The following NPEPPS variants were observed in gnomAD, a reference collection of about 807,000 sequenced individuals.
NPEPPS encodes puromycin-sensitive aminopeptidase.
A neutral mutation model predicts 115.5 loss-of-function variants in NPEPPS; 14 were observed. The ratio of observed to expected loss-of-function variants is 0.12; its 90% CI spans 0.08 to 0.19. NPEPPS has a LOEUF of 0.19. Among genes scored for constraint, NPEPPS ranks in the 10% least tolerant of loss-of-function variants. The probability of loss-of-function intolerance (pLI) is 1.00; values close to 1 mark genes in which losing one functional copy is unlikely to be tolerated. For synonymous variants in NPEPPS, 285 were observed against 390.6 expected (o/e 0.73, Z 3.19); for missense variants, 523 against 1,110.8 (o/e 0.47, Z 7.52).
chr17:47,539,475 T>A (rs922037453), intron 1 of NPEPPS, among the ~76,000 whole-genome samples: 2 of 152,180 alleles, frequency 1.3e-5, no homozygotes, highest in Non-Finnish European at 2.9e-5. Context: ...ACTATGAGAT[T>A]AAACAGATGT....
intron 8 of NPEPPS, chr17:47,586,968 A>G (rs923929488): frequency 7.4e-6 from 3 of 402,982 alleles, no homozygotes; most frequent in African/African-American, 4.1e-5. Flanking sequence ...CCCTTAGACA[A>G]TGTTTTCCCA....
chr17:47,559,926 G>A (rs1253731617), intron 2 of NPEPPS, among the ~76,000 whole-genome samples: 1 of 152,192 alleles, frequency 6.6e-6, no homozygotes, highest in Middle Eastern at 3.4e-3. Context: ...AGTGTTGATG[G>A]TCCCTGGATT....
chr17:47,593,449 C>T (rs747593201), intron 12 of NPEPPS, among the ~76,000 whole-genome samples: 1 of 152,136 alleles, frequency 6.6e-6, no homozygotes, highest in Non-Finnish European at 1.5e-5. Flanking sequence ...GTCCCAGCTA[C>T]TCAGGAGGCT....
intron 2 of NPEPPS, among the ~76,000 whole-genome samples, chr17:47,564,201 T>A (rs1910643882): frequency 6.6e-6 from 1 of 152,140 alleles, no homozygotes; most frequent in Admixed American, 6.5e-5. Flanking sequence ...GGATTACAGG[T>A]GTGAGACACT....
intron 19 of NPEPPS, among the ~76,000 whole-genome samples, chr17:47,617,994 C>T (rs1030784692): frequency 1.3e-5 from 2 of 152,210 alleles, no homozygotes; most frequent in Admixed American, 1.3e-4. Context: ...CCGCCTCGGC[C>T]TCCCAAGTAG....
chr17:47,608,527 A>G (rs2143941922), intron 17 of NPEPPS, among the ~76,000 whole-genome samples: 1 of 151,912 alleles, frequency 6.6e-6, no homozygotes, highest in South Asian at 2.1e-4. Flanking sequence ...TAATCCAGCT[A>G]CTCAGGAGGC....
chr17:47,526,184 C>T (rs573405676), upstream of NPEPPS, among the ~76,000 whole-genome samples: 3 of 152,198 alleles, frequency 2.0e-5, no homozygotes, highest in African/African-American at 7.2e-5. Context: ...TGCACTCCAG[C>T]CTGGGCAACA....
intron 12 of NPEPPS, 59 bp from the exon 13 acceptor site, chr17:47,596,294 T>G (rs1363864558): frequency 8.8e-7 from 1 of 1,132,234 alleles, no homozygotes; most frequent in Non-Finnish European, 1.2e-6. Context: ...ATAAAATTTC[T>G]TTTTTGTTTA....
Position 47,619,082 on chromosome 17 carries a change from C to T in NPEPPS, c.2477C>T (p.Ala826Val). 1 of 1,613,834 alleles carries T rather than the reference C, an allele frequency of 6.2e-7. No homozygotes were observed. Among genetic ancestry groups the T allele is most frequent in the Non-Finnish European group, 8.5e-7 (1 of 1,179,780 alleles). The change falls in exon 21 of 23, where the codon GCT (alanine) becomes GTT (valine). Residue 826 changes from alanine to valine, a missense_variant. By Grantham distance (64) the Ala-to-Val change is moderately conservative. Transcript: ENST00000322157. ...GGAGGCAGCAAGCATGGTAGGAAAG[C>T]TGCTTGGAAATTCATAAAGGACAAC... ...VAGGSKHGRKAAWKFIKDNWE... is the reference protein window; with the variant it reads ...VAGGSKHGRKVAWKFIKDNWE...
intron 9 of NPEPPS, among the ~76,000 whole-genome samples, chr17:47,588,286 G>A (rs1468133404): frequency 1.3e-5 from 2 of 152,126 alleles, no homozygotes; most frequent in African/African-American, 2.4e-5. Flanking sequence ...TTCAGGCCGG[G>A]CACGGTGGCT....
At chr17:47,603,744 A>G in intron 15 of NPEPPS, 171 bp from the exon 16 acceptor site, 1 of 480,620 alleles carries the variant, frequency 2.1e-6, no homozygotes, top group Non-Finnish European at 3.5e-6. Context: ...TTGTCTGTGC[A>G]TTCATTCTGT....
chr17:47,557,909 C>T lies in NPEPPS; in HGVS notation c.341-11508C>T, dbSNP rs1340928558. 1.5e-5 allele frequency among the ~76,000 whole-genome samples: 2 copies of T among 131,376 alleles called. 1 individual carries two copies. 86.2% of individuals were successfully genotyped at this position (131,376 alleles called of 152,430 possible). On this transcript the variant is annotated intron_variant, in intron 2 of 22. Coordinates refer to ENST00000322157, the MANE Select transcript of NPEPPS (RefSeq NM_006310.4). ...TTTTCTCTCCTTTTCCTTGCTCCTT[C>T]CCCAGGCAATTATGATTTGATTCCA... is the stretch of plus-strand genomic sequence containing the variant.
chr17:47,592,512 T>C lies in NPEPPS; in HGVS notation c.1393T>C (p.Leu465=), dbSNP rs148379754. ...CTTTAAGAAAGGAATGAACATGTAT[T>C]TAACCAAGTTCCAACAAAAGAATGC... is the stretch of plus-strand genomic sequence containing the variant. ...KDFKKGMNMY[L]TKFQQKNAAT... is the part of the protein sequence containing the mutation. The change falls in exon 12 of 23, where the codon TTA becomes CTA. Residue 465 remains leucine, a synonymous_variant. Coordinates refer to ENST00000322157, the MANE Select transcript of NPEPPS (RefSeq NM_006310.4). 85,134 of 1,592,632 alleles carry C rather than the reference T, an allele frequency of 0.053. 2,719 individuals are homozygous for C. Among genetic ancestry groups the C allele is most frequent in the Middle Eastern group, 0.13 (797 of 6,036 alleles).
chr17:47,535,832 CTTTTTTTTTTTTTTT>C (rs553790964), intron 1 of NPEPPS, among the ~76,000 whole-genome samples: 1 of 100,992 alleles, frequency 9.9e-6, no homozygotes, highest in South Asian at 3.4e-4. Context: ...ATTGGGTATT[CTTTTTTTTTTTTTTT>C]TTTTTTTGAG....
At chr17:47,523,522 G>T (rs1388866201) in intron 1 of NPEPPS, among the ~76,000 whole-genome samples, 1 of 151,754 alleles carries the variant, frequency 6.6e-6, no homozygotes, top group East Asian at 1.9e-4. Context: ...CTGGGTTGAA[G>T]CAATTATCCT....
chr17:47,617,511 A>ATTTT (rs35481232), intron 19 of NPEPPS, among the ~76,000 whole-genome samples: 8 of 151,466 alleles, frequency 5.3e-5, no homozygotes, highest in Middle Eastern at 3.4e-3. Context: ...ATATATATAT[A>ATTTT]TTTTTTAGGA....
At chr17:47,524,580 T>C (rs1170039330) in intron 1 of NPEPPS, among the ~76,000 whole-genome samples, 1 of 151,696 alleles carries the variant, frequency 6.6e-6, no homozygotes, top group Non-Finnish European at 1.5e-5. Flanking sequence ...CTGCAAGCTC[T>C]GCCTCCCGGG....
At chr17:47,569,324 T>C (rs1911047491) in intron 2 of NPEPPS, 93 bp from the exon 3 acceptor site, 2 of 765,132 alleles carry the variant, frequency 2.6e-6, no homozygotes, top group Non-Finnish European at 2.2e-6. Flanking sequence ...ATATTTTGCT[T>C]TTGTAGAGAT....
chr17:47,561,715 C>G (rs1158443392), intron 2 of NPEPPS, among the ~76,000 whole-genome samples: 1 of 152,180 alleles, frequency 6.6e-6, no homozygotes, highest in Non-Finnish European at 1.5e-5. Context: ...CTAATCATCC[C>G]CCAACATTCT....
Sources: gnomAD v4.1 joint callset for allele counts (sites outside exome capture counted in the v4.1 genomes callset) on GRCh38, gnomAD v4.1.1 for gene constraint, MANE v1.5 for transcripts, NCBI Gene and HGNC (gene_info 2026-07-23, HGNC 2026-07-21) for gene names.